The following CTNNA2 variants were observed in gnomAD, a reference collection of about 807,000 sequenced individuals.
CTNNA2 encodes the protein catenin alpha-2.
A neutral mutation model predicts 101.0 loss-of-function variants in CTNNA2; 42 were observed. The observed-to-expected ratio is 0.42, with a 90% CI of 0.32 to 0.54. The LOEUF (loss-of-function observed/expected upper bound fraction) is 0.54. CTNNA2 is among the 20% of genes least tolerant of loss of function. The probability of loss-of-function intolerance (pLI) is 0.14; values close to 1 mark genes in which losing one functional copy is unlikely to be tolerated. For missense variants in CTNNA2, 871 were observed against 1,223.1 expected, an observed-to-expected ratio of 0.71 and a Z score of 4.29; for synonymous variants, 450 against 456.4, an observed-to-expected ratio of 0.99 and a Z score of 0.18.
intron 7 of CTNNA2, among the ~76,000 whole-genome samples, chr2:80,300,236 G>A (rs1676125283): frequency 6.6e-6 from 1 of 150,718 alleles, no homozygotes; most frequent in South Asian, 2.1e-4. Flanking sequence ...TATAAATAAA[G>A]CAAGATGAAG....
chr2:80,141,503 C>T (rs1453445255), intron 7 of CTNNA2, among the ~76,000 whole-genome samples: 30 of 152,034 alleles, frequency 2.0e-4, no homozygotes, highest in Admixed American at 2.0e-3. Context: ...TAAATATCCA[C>T]CCCCTCCAAC....
chr2:80,188,005 A>T (rs548165936), intron 7 of CTNNA2, among the ~76,000 whole-genome samples: 4 of 151,972 alleles, frequency 2.6e-5, no homozygotes, highest in African/African-American at 9.7e-5. Context: ...AGCCAGAAGG[A>T]CAGAGAAGTT....
At chr2:79,186,624 G>A (rs981070200) in intron 1 of CTNNA2, among the ~76,000 whole-genome samples, 3 of 152,214 alleles carry the variant, frequency 2.0e-5, no homozygotes, top group Admixed American at 2.0e-4. Flanking sequence ...CAGGGCCACA[G>A]CCATGAGGCT....
intron 9 of CTNNA2, among the ~76,000 whole-genome samples, chr2:80,507,268 C>T (rs1205433851): frequency 6.6e-6 from 1 of 151,756 alleles, no homozygotes; most frequent in Middle Eastern, 3.2e-3. Flanking sequence ...CAGCCAATGA[C>T]TCTTTACCAC....
intron 1 of CTNNA2, among the ~76,000 whole-genome samples, chr2:79,614,664 A>G (rs576400434): frequency 6.6e-6 from 1 of 152,270 alleles, no homozygotes; most frequent in South Asian, 2.1e-4. Context: ...ACTACCTAAC[A>G]ACACAGTTAT....
intron 12 of CTNNA2, among the ~76,000 whole-genome samples, chr2:80,557,350 AT>A (rs940108147): frequency 2.6e-5 from 4 of 152,164 alleles, no homozygotes; most frequent in African/African-American, 9.6e-5. Context: ...ATAAAAAGGT[AT>A]TTTTTTCCCT....
chr2:80,161,712 A>G (rs1704333674), intron 7 of CTNNA2, among the ~76,000 whole-genome samples: 2 of 152,184 alleles, frequency 1.3e-5, no homozygotes, highest in African/African-American at 4.8e-5. Context: ...TTACCATTTT[A>G]TCTAACTGTG....
At chr2:79,842,401 T>C (rs1227563238) in intron 3 of CTNNA2, among the ~76,000 whole-genome samples, 2 of 152,148 alleles carry the variant, frequency 1.3e-5, no homozygotes, top group African/African-American at 2.4e-5. Context: ...TGAGTAGATA[T>C]AAGGCTTAGA....
At chr2:80,043,071 C>G (rs1182766860) in intron 7 of CTNNA2, among the ~76,000 whole-genome samples, 1 of 47,970 alleles carries the variant, frequency 2.1e-5, no homozygotes, top group Non-Finnish European at 4.1e-5. Flanking sequence ...TTCTTTCTTT[C>G]TTTCTTTCTT....
At chr2:79,573,445 G>A (rs1484642117) in intron 1 of CTNNA2, among the ~76,000 whole-genome samples, 1 of 152,156 alleles carries the variant, frequency 6.6e-6, no homozygotes, top group Admixed American at 6.5e-5. Flanking sequence ...AATATACCTA[G>A]TCTGAAGTCT....
intron 7 of CTNNA2, among the ~76,000 whole-genome samples, chr2:79,982,192 C>CTATATATATATATATATATA (rs70940064): frequency 1.6e-4 from 12 of 75,048 alleles, no homozygotes; most frequent in African/African-American, 2.1e-4. Context: ...GCATGTGCCA[C>CTATATATATATATATATATA]TATATATATA....
intron 1 of CTNNA2, among the ~76,000 whole-genome samples, chr2:79,630,847 G>GT (rs1032941442): frequency 6.0e-5 from 9 of 150,332 alleles, no homozygotes; most frequent in Non-Finnish European, 1.5e-5. Flanking sequence ...CAACACAGAC[G>GT]TTTTTTGGAA....
chr2:79,985,288 C>G (rs576369842), intron 7 of CTNNA2, among the ~76,000 whole-genome samples: 31 of 152,298 alleles, frequency 2.0e-4, no homozygotes, highest in African/African-American at 6.0e-4. Context: ...GGCACTGCCT[C>G]AACCCCAGGG....
chr2:80,114,946 A>G (rs1160801821), intron 7 of CTNNA2, among the ~76,000 whole-genome samples: 1 of 152,202 alleles, frequency 6.6e-6, no homozygotes, highest in Non-Finnish European at 1.5e-5. Context: ...GACTTCCGAG[A>G]GCAGACTGAC....
intron 7 of CTNNA2, among the ~76,000 whole-genome samples, chr2:80,027,284 G>T (rs959098208): frequency 2.0e-5 from 3 of 152,168 alleles, no homozygotes; most frequent in Non-Finnish European, 2.9e-5. Context: ...GCCCGAGCTT[G>T]CTGTGTTCAA....
chr2:80,564,673 C>A (rs1351072891), intron 12 of CTNNA2, among the ~76,000 whole-genome samples: 1 of 152,042 alleles, frequency 6.6e-6, no homozygotes, highest in African/African-American at 2.4e-5. Context: ...AAATGGCAGC[C>A]TTTAGAAACT....
At chr2:80,310,972 CAAAA>C (rs3040535) in intron 7 of CTNNA2, among the ~76,000 whole-genome samples, 1 of 96,398 alleles carries the variant, frequency 1.0e-5, no homozygotes, top group African/African-American at 3.4e-5. Flanking sequence ...GACTCCATCT[CAAAA>C]AAAAAAAAAA....
intron 6 of CTNNA2, among the ~76,000 whole-genome samples, chr2:79,889,708 A>G (rs957828106): frequency 1.3e-5 from 2 of 152,196 alleles, no homozygotes; most frequent in Non-Finnish European, 2.9e-5. Flanking sequence ...TCTCCTACCC[A>G]TCTTAATAGA....
chr2:80,206,390 T>C (rs1707534949), intron 7 of CTNNA2, among the ~76,000 whole-genome samples: 1 of 152,194 alleles, frequency 6.6e-6, no homozygotes. Flanking sequence ...CTATGCATTA[T>C]TTGGGGCTAA....
Sources: gnomAD v4.1 joint callset for allele counts (sites outside exome capture counted in the v4.1 genomes callset) on GRCh38, gnomAD v4.1.1 for gene constraint, MANE v1.5 for transcripts, NCBI Gene and HGNC (gene_info 2026-07-23, HGNC 2026-07-21) for gene names.